Variants in SLC23A2 observed in about 807,000 individuals in gnomAD.
The protein encoded by SLC23A2 is Na(+)/L-ascorbic acid transporter 2.
SLC23A2 carries 36 observed loss-of-function variants against 73.3 expected under a neutral mutation model. The observed-to-expected ratio is 0.49, with a 90% CI of 0.38 to 0.65. SLC23A2 has a LOEUF of 0.65. SLC23A2 is among the 30% of genes least tolerant of loss of function. SLC23A2 has a pLI of 0.00. For missense variants in SLC23A2, 507 were observed against 841.6 expected, an observed-to-expected ratio of 0.60 and a Z score of 4.92; for synonymous variants, 343 against 327.3, an observed-to-expected ratio of 1.05 and a Z score of -0.52.
chr20:4,861,881 GA>G, intron 15 of SLC23A2, 66 bp downstream of exon 15: 1 of 1,561,992 alleles, frequency 6.4e-7, no homozygotes. Flanking sequence ...AATGGGCAAA[GA>G]GCTGCGTGTG....
intron 1 of SLC23A2, among the ~76,000 whole-genome samples, chr20:4,985,929 C>CAACTACTGAA (rs2087818803): frequency 6.6e-6 from 1 of 152,104 alleles, no homozygotes; most frequent in Non-Finnish European, 1.5e-5. Context: ...TGAAGCATAT[C>CAACTACTGAA]CTTTAAACAA....
intron 2 of SLC23A2, among the ~76,000 whole-genome samples, chr20:4,937,614 G>C (rs2086980307): frequency 6.6e-6 from 1 of 152,214 alleles, no homozygotes; most frequent in Admixed American, 6.5e-5. Flanking sequence ...CTGAGCTTCA[G>C]AGAAGTCAAA....
At chr20:4,934,517 AG>A (rs1167530923) in intron 2 of SLC23A2, among the ~76,000 whole-genome samples, 1 of 152,172 alleles carries the variant, frequency 6.6e-6, no homozygotes, top group Non-Finnish European at 1.5e-5. Flanking sequence ...GAGACAGCAA[AG>A]CCCACACAGA....
chr20:4,943,627 A>T (rs1473367761), intron 2 of SLC23A2, among the ~76,000 whole-genome samples: 2 of 151,168 alleles, frequency 1.3e-5, no homozygotes, highest in East Asian at 3.9e-4. Flanking sequence ...GTGAGCTGAG[A>T]CTGCACGACT....
chr20:4,994,910 G>C (rs1375778535), intron 1 of SLC23A2, among the ~76,000 whole-genome samples: 1 of 151,802 alleles, frequency 6.6e-6, no homozygotes, highest in Non-Finnish European at 1.5e-5. Flanking sequence ...CTCTAGCCTG[G>C]GCAACAAGAG....
intron 6 of SLC23A2, among the ~76,000 whole-genome samples, chr20:4,888,763 A>T (rs1186481290): frequency 6.6e-6 from 1 of 152,194 alleles, no homozygotes; most frequent in Non-Finnish European, 1.5e-5. Context: ...ATCTCCTTTG[A>T]ATCTGTAATG....
intron 2 of SLC23A2, among the ~76,000 whole-genome samples, chr20:4,955,356 A>AACACAC (rs71197734): frequency 4.0e-3 from 575 of 144,818 alleles, no homozygotes; most frequent in Non-Finnish European, 6.1e-3. Flanking sequence ...AATGAGTTAA[A>AACACAC]ACACACACAC....
intron 4 of SLC23A2, among the ~76,000 whole-genome samples, chr20:4,907,555 T>C (rs1932000414): frequency 6.6e-6 from 1 of 152,134 alleles, no homozygotes; most frequent in African/African-American, 2.4e-5. Context: ...TTAAAGACTT[T>C]AACCAGTAAA....
At chr20:4,925,251 C>T (rs1932631085) in intron 3 of SLC23A2, among the ~76,000 whole-genome samples, 1 of 151,976 alleles carries the variant, frequency 6.6e-6, no homozygotes, top group Non-Finnish European at 1.5e-5. Flanking sequence ...CTCTAGAGCC[C>T]AGACCTGTGA....
At chr20:4,914,345 G>A (rs188211411) in intron 3 of SLC23A2, among the ~76,000 whole-genome samples, 342 of 152,042 alleles carry the variant, frequency 2.2e-3, no homozygotes, top group Admixed American at 6.4e-3. Context: ...TAAAACACAT[G>A]AAAAGCTGTT....
At chr20:4,953,812 G>A (rs889621255) in intron 2 of SLC23A2, among the ~76,000 whole-genome samples, 37 of 151,920 alleles carry the variant, frequency 2.4e-4, no homozygotes, top group African/African-American at 2.9e-4. Context: ...TCACTTAAAC[G>A]CAGGAGGCGG....
chr20:4,993,969 A>G (rs939835429), intron 1 of SLC23A2, among the ~76,000 whole-genome samples: 36 of 152,090 alleles, frequency 2.4e-4, no homozygotes, highest in African/African-American at 8.7e-4. Flanking sequence ...ACATGCCTGT[A>G]GTCCCAGCTA....
At chr20:4,935,597 GA>G (rs1447413090) in intron 2 of SLC23A2, among the ~76,000 whole-genome samples, 43 of 152,268 alleles carry the variant, frequency 2.8e-4, no homozygotes, top group African/African-American at 9.6e-4. Context: ...AGGAGATCGA[GA>G]CCATCCTGGC....
At chr20:4,897,365 G>T (rs1568614028) in intron 6 of SLC23A2, among the ~76,000 whole-genome samples, 1 of 152,188 alleles carries the variant, frequency 6.6e-6, no homozygotes, top group Non-Finnish European at 1.5e-5. Flanking sequence ...ACACTGTGGG[G>T]AGGATGGAAG....
At chr20:4,994,785 A>C (rs6133183) in intron 1 of SLC23A2, among the ~76,000 whole-genome samples, 52,940 of 151,146 alleles carry the variant, frequency 0.35, 9,822 homozygotes, top group Admixed American at 0.41. Flanking sequence ...AAATACAAAA[A>C]TTAGCCAGGC....
intron 4 of SLC23A2, among the ~76,000 whole-genome samples, chr20:4,911,709 A>G (rs1932155642): frequency 6.6e-6 from 1 of 152,218 alleles, no homozygotes; most frequent in Non-Finnish European, 1.5e-5. Context: ...CTCAAATGAA[A>G]GCCTCAGAGC....
At chr20:4,929,482 GT>G (rs1932761799) in intron 3 of SLC23A2, among the ~76,000 whole-genome samples, 1 of 152,114 alleles carries the variant, frequency 6.6e-6, no homozygotes, top group Non-Finnish European at 1.5e-5. Flanking sequence ...CCACCCTAGG[GT>G]CTGCCTCTGG....
intron 7 of SLC23A2, 105 bp from the exon 8 acceptor site, chr20:4,884,928 GT>G: frequency 3.1e-6 from 2 of 642,002 alleles, no homozygotes; most frequent in Non-Finnish European, 5.3e-6. Flanking sequence ...TATTACATCT[GT>G]TTCAATCCCC....
At chr20:4,918,082 G>A (rs183407147) in intron 3 of SLC23A2, among the ~76,000 whole-genome samples, 109 of 152,266 alleles carry the variant, frequency 7.2e-4, no homozygotes, top group African/African-American at 2.6e-3. Context: ...TAGTAGCAAA[G>A]CTTCATATTT....
Sources: gnomAD v4.1 joint callset for allele counts (sites outside exome capture counted in the v4.1 genomes callset) on GRCh38, gnomAD v4.1.1 for gene constraint, MANE v1.5 for transcripts, NCBI Gene and HGNC (gene_info 2026-07-23, HGNC 2026-07-21) for gene names.